The following HS6ST3 variants were observed in gnomAD, a reference collection of about 807,000 sequenced individuals.
HS6ST3 encodes heparan sulfate 6-O-sulfotransferase 3, also known as heparan-sulfate 6-O-sulfotransferase 3.
Under a neutral mutation model 36.7 loss-of-function variants are expected in HS6ST3, and 12 were observed. The observed-to-expected ratio is 0.33, with a 90% CI of 0.21 to 0.53. The LOEUF (loss-of-function observed/expected upper bound fraction) is 0.53, where lower values mean the gene tolerates loss of function less well. Among genes scored for constraint, HS6ST3 ranks in the 20% least tolerant of loss-of-function variants. The pLI is 0.95. For synonymous variants in HS6ST3, 240 were observed against 257.5 expected, an observed-to-expected ratio of 0.93 and a Z score of 0.65; for missense variants, 584 against 640.9, an observed-to-expected ratio of 0.91 and a Z score of 0.96.
intron 1 of HS6ST3, among the ~76,000 whole-genome samples, chr13:96,098,242 T>C (rs1175873770): frequency 6.6e-6 from 1 of 152,136 alleles, no homozygotes; most frequent in East Asian, 1.9e-4. Flanking sequence ...TAGAAAAAAA[T>C]CAGCCTAAAC....
intron 1 of HS6ST3, among the ~76,000 whole-genome samples, chr13:96,797,665 A>G (rs1877947009): frequency 6.6e-6 from 1 of 152,104 alleles, no homozygotes; most frequent in African/African-American, 2.4e-5. Flanking sequence ...TGTGACTTCA[A>G]TTATTTTACA....
chr13:96,622,946 C>A (rs189975836), intron 1 of HS6ST3, among the ~76,000 whole-genome samples: 29 of 152,240 alleles, frequency 1.9e-4, no homozygotes, highest in African/African-American at 6.7e-4. Flanking sequence ...TATAATATCA[C>A]TCATGCTTTT....
At chr13:96,404,276 T>A (rs2055466148) in intron 1 of HS6ST3, among the ~76,000 whole-genome samples, 1 of 152,166 alleles carries the variant, frequency 6.6e-6, no homozygotes, top group African/African-American at 2.4e-5. Flanking sequence ...CTTTGGAGGA[T>A]GTTCAGTGCC....
chr13:96,570,754 A>AGT (rs1292507162), intron 1 of HS6ST3, among the ~76,000 whole-genome samples: 2 of 152,246 alleles, frequency 1.3e-5, no homozygotes, highest in East Asian at 3.8e-4. Flanking sequence ...GGAATAACAC[A>AGT]GTGACTCTGC....
intron 1 of HS6ST3, among the ~76,000 whole-genome samples, chr13:96,194,973 G>A (rs2054305353): frequency 6.6e-6 from 1 of 152,020 alleles, no homozygotes; most frequent in African/African-American, 2.4e-5. Flanking sequence ...TAGACTTAGA[G>A]GTCATGTGCT....
At chr13:96,692,400 A>G (rs1594837610) in intron 1 of HS6ST3, among the ~76,000 whole-genome samples, 1 of 152,162 alleles carries the variant, frequency 6.6e-6, no homozygotes, top group African/African-American at 2.4e-5. Context: ...AAGTCTGTGC[A>G]TGTTCACTAC....
intron 1 of HS6ST3, among the ~76,000 whole-genome samples, chr13:96,243,041 T>C (rs748492683): frequency 6.6e-6 from 1 of 152,226 alleles, no homozygotes; most frequent in Non-Finnish European, 1.5e-5. Context: ...AAATTGACTT[T>C]AATATATTTT....
chr13:96,686,216 G>A (rs598900), intron 1 of HS6ST3, among the ~76,000 whole-genome samples: 149,085 of 151,974 alleles, frequency 0.98, 73,164 homozygotes, highest in East Asian at 1. Flanking sequence ...TCACCTATTT[G>A]TTCAAGCAAA....
At chr13:96,824,877 G>T (rs532813330) in intron 1 of HS6ST3, among the ~76,000 whole-genome samples, 87 of 152,286 alleles carry the variant, frequency 5.7e-4, no homozygotes, top group African/African-American at 2.1e-3. Context: ...GAACATCCAT[G>T]ATGTATAAGG....
intron 1 of HS6ST3, among the ~76,000 whole-genome samples, chr13:96,176,905 G>T (rs2054214915): frequency 6.6e-6 from 1 of 152,020 alleles, no homozygotes; most frequent in African/African-American, 2.4e-5. Context: ...CATCTATAAA[G>T]AACTTAAACA....
intron 1 of HS6ST3, among the ~76,000 whole-genome samples, chr13:96,799,471 G>A (rs968121474): frequency 6.6e-6 from 1 of 152,050 alleles, no homozygotes; most frequent in African/African-American, 2.4e-5. Flanking sequence ...ATGAGTTCAT[G>A]TCCTTTGTAG....
Position 96,091,537 on chromosome 13 carries a change from G to C in HS6ST3, c.675G>C (p.Lys225Asn). ...ACTGCGTGCCGGCCATCATGGAGAA[G>C]AAGGACTGTCCCCGCAACCACAGCC... The part of the protein sequence containing the change: ...LTNCVPAIME[K>N]KDCPRNHSHT... Residue 225 changes from lysine (K) to asparagine (N), a missense_variant, in exon 1 of 2, where the codon AAG becomes AAC. Physicochemically the swap from Lys to Asn is moderately conservative, Grantham distance 94 (BLOSUM62 0). Transcript: ENST00000376705. The C allele has an allele frequency of 6.3e-7, 1 of 1,588,224 alleles. No individual in the cohort carries two copies.
chr13:96,380,561 C>T (rs928130568), intron 1 of HS6ST3, among the ~76,000 whole-genome samples: 14 of 152,114 alleles, frequency 9.2e-5, no homozygotes, highest in Non-Finnish European at 1.5e-4. Context: ...CTACTGCACC[C>T]GGCCTAGCAC....
intron 1 of HS6ST3, among the ~76,000 whole-genome samples, chr13:96,616,460 CA>C (rs1035013068): frequency 2.0e-5 from 3 of 152,104 alleles, no homozygotes; most frequent in African/African-American, 7.2e-5. Context: ...GCACTGCCAC[CA>C]GTCTTCACCT....
intron 1 of HS6ST3, among the ~76,000 whole-genome samples, chr13:96,488,043 A>T (rs996366050): frequency 2.6e-5 from 4 of 152,142 alleles, no homozygotes; most frequent in Non-Finnish European, 4.4e-5. Flanking sequence ...AAACTCACAC[A>T]ATCAGAATCT....
Position 96,090,355 on chromosome 13 carries a change from TGCCCGCGGCCGGCCGGGGCGGC to T in HS6ST3, c.-506_-485del, listed in dbSNP as rs1196365967. On this transcript the variant is annotated 5_prime_UTR_variant, in exon 1 of 2. Transcript: ENST00000376705. ...CGCCGGGCGCGCGTGCCGGGCGCGG[TGCCCGCGGCCGGCCGGGGCGGC>T]GGGAGCGGGCCGCGCCTTCGCCCTT... Among the ~76,000 whole-genome samples the T allele has an allele frequency of 6.8e-6, 1 of 146,018 alleles. No homozygotes were observed. The highest frequency in any genetic ancestry group is 1.5e-5 in the Non-Finnish European group (1 of 65,804).
At chr13:96,166,019 G>T (rs1044991946) in intron 1 of HS6ST3, among the ~76,000 whole-genome samples, 2 of 142,186 alleles carry the variant, frequency 1.4e-5, no homozygotes, top group African/African-American at 5.3e-5. Context: ...AGGGTGGAAG[G>T]GGTTATTTAT....
intron 1 of HS6ST3, among the ~76,000 whole-genome samples, chr13:96,760,347 C>T (rs2138499354): frequency 6.6e-6 from 1 of 151,794 alleles, no homozygotes; most frequent in South Asian, 2.1e-4. Flanking sequence ...GATTTATTGA[C>T]TTCATATGGA....
chr13:96,473,777 G>C (rs977098860), intron 1 of HS6ST3, among the ~76,000 whole-genome samples: 4 of 152,186 alleles, frequency 2.6e-5, no homozygotes, highest in African/African-American at 9.6e-5. Context: ...GAGTAACTGA[G>C]AATGTGGCTG....
Sources: gnomAD v4.1 joint callset for allele counts (sites outside exome capture counted in the v4.1 genomes callset) on GRCh38, gnomAD v4.1.1 for gene constraint, MANE v1.5 for transcripts, NCBI Gene and HGNC (gene_info 2026-07-23, HGNC 2026-07-21) for gene names.